Variants in KIAA1671 observed in about 807,000 individuals in gnomAD.
KIAA1671 encodes uncharacterized protein KIAA1671.
Under a neutral mutation model 131.2 loss-of-function variants are expected in KIAA1671, and 52 were observed. The ratio of observed to expected loss-of-function variants is 0.40; its 90% CI spans 0.32 to 0.50. The LOEUF is 0.50. Among genes scored for constraint, KIAA1671 ranks in the 20% least tolerant of loss-of-function variants. The probability of loss-of-function intolerance (pLI) is 0.73; values close to 1 mark genes in which losing one functional copy is unlikely to be tolerated. For synonymous variants in KIAA1671, 1,003 were observed against 961.6 expected (o/e 1.04, Z -0.80); for missense variants, 2,360 against 2,364.2 (o/e 1.00, Z 0.04).
intron 6 of KIAA1671, among the ~76,000 whole-genome samples, chr22:25,068,591 C>A (rs1370359636): frequency 1.2e-4 from 18 of 152,178 alleles, no homozygotes; most frequent in Non-Finnish European, 2.4e-4. Context: ...CGCCCGCCTC[C>A]GCGGCCGGCT....
intron 6 of KIAA1671, chr22:25,112,301 A>G: frequency 2.5e-6 from 1 of 398,882 alleles, no homozygotes; most frequent in Non-Finnish European, 4.4e-6. Context: ...CCACGAACGG[A>G]CGAGTGCAGA....
intron 1 of KIAA1671, among the ~76,000 whole-genome samples, chr22:24,980,358 A>G (rs1602041727): frequency 7.1e-6 from 1 of 140,192 alleles, no homozygotes; most frequent in African/African-American, 2.7e-5. Context: ...TGCAACCTCC[A>G]CCTCCCGGAT....
chr22:25,154,556 C>G (rs1254007262), intron 6 of KIAA1671, among the ~76,000 whole-genome samples: 1 of 152,338 alleles, frequency 6.6e-6, no homozygotes, highest in Middle Eastern at 3.4e-3. Context: ...AGACAGCACT[C>G]TAGGCCTGGG....
At position 25,039,203 on chromosome 22, in the gene KIAA1671, T is replaced by C. The variant is rs1926778635; in HGVS notation, c.2073T>C (p.Asn691=). ...AATTGGGACCAACCACCCTTTTGAATGGTGAACTGAGACCGTATCACACGC... is the reference window on the plus strand; with the variant it reads ...AATTGGGACCAACCACCCTTTTGAACGGTGAACTGAGACCGTATCACACGC... ...TEKLGPTTLL[N]GELRPYHTPL... The change falls in exon 5 of 13, where the codon AAT becomes AAC. Residue 691 remains asparagine (N), a synonymous_variant. Transcript: ENST00000358431. The C allele has an allele frequency of 1.9e-6, 3 of 1,552,072 alleles. No homozygotes were observed. Among genetic ancestry groups the C allele is most frequent in the Non-Finnish European group, 2.6e-6 (3 of 1,147,120 alleles).
intron 6 of KIAA1671, among the ~76,000 whole-genome samples, chr22:25,123,167 C>T (rs1274919020): frequency 7.1e-6 from 1 of 140,790 alleles, no homozygotes; most frequent in African/African-American, 2.9e-5. Flanking sequence ...CAACAGAATA[C>T]ATGGCATCAC....
At chr22:25,184,833 C>T in intron 10 of KIAA1671, 144 bp from the exon 11 acceptor site, 3 of 853,338 alleles carry the variant, frequency 3.5e-6, no homozygotes, top group Non-Finnish European at 5.6e-6. Flanking sequence ...CTTTTCTCAG[C>T]CCCCATGTTT....
chr22:25,169,418 CAAAAAAA>C (rs34299474), intron 6 of KIAA1671, among the ~76,000 whole-genome samples: 10 of 118,094 alleles, frequency 8.5e-5, no homozygotes, highest in Non-Finnish European at 8.6e-5. Context: ...GACCTTGTCT[CAAAAAAA>C]AAAAAAAAAA....
chr22:25,149,752 C>T (rs1231212350), intron 6 of KIAA1671, among the ~76,000 whole-genome samples: 1 of 152,048 alleles, frequency 6.6e-6, no homozygotes, highest in Non-Finnish European at 1.5e-5. Flanking sequence ...GCCCATCCTA[C>T]GTACAGCAGG....
intron 6 of KIAA1671, among the ~76,000 whole-genome samples, chr22:25,074,496 CAAAAAAAA>C (rs759898395): frequency 6.2e-5 from 4 of 64,162 alleles, no homozygotes; most frequent in South Asian, 5.5e-4. Flanking sequence ...GGCTGTGTCT[CAAAAAAAA>C]AAAAAAAAAA....
intron 1 of KIAA1671, among the ~76,000 whole-genome samples, chr22:25,019,744 T>G (rs1925560178): frequency 6.6e-6 from 1 of 152,184 alleles, no homozygotes; most frequent in East Asian, 1.9e-4. Context: ...TCCACTTTCC[T>G]GTGCATACCC....
At position 25,098,087 on chromosome 22, in the gene KIAA1671, G is replaced by C. The variant is rs12158627; in HGVS notation, c.4530+48723G>C. ...CTTGGCCAGGATTTGGTAGGCAGAG[G>C]GTTGTGAAAATTGACACTTACAAAA... On this transcript the variant is annotated intron_variant, in intron 6 of 12. Coordinates refer to ENST00000358431, the MANE Select transcript of KIAA1671 (RefSeq NM_001145206.2). Among the ~76,000 whole-genome samples, 481 of 152,302 alleles carry C rather than the reference G, an allele frequency of 3.2e-3. 2 individuals are homozygous for C. The highest frequency in any genetic ancestry group is 0.011 in the African/African-American group (462 of 41,570).
chr22:25,120,377 C>T (rs1194210922), intron 6 of KIAA1671, among the ~76,000 whole-genome samples: 2 of 152,248 alleles, frequency 1.3e-5, no homozygotes, highest in African/African-American at 4.8e-5. Context: ...TTCAGGTCTC[C>T]TTTCACCCTC....
At chr22:24,999,912 G>A (rs1163177182) in intron 1 of KIAA1671, among the ~76,000 whole-genome samples, 4 of 148,172 alleles carry the variant, frequency 2.7e-5, no homozygotes, top group African/African-American at 1.0e-4. Context: ...TTTTTGAGAC[G>A]GATTCTCTGT....
chr22:25,044,067 G>A (rs1927092459), intron 5 of KIAA1671, among the ~76,000 whole-genome samples: 1 of 152,162 alleles, frequency 6.6e-6, no homozygotes, highest in Non-Finnish European at 1.5e-5. Context: ...AAGTGATGGA[G>A]TCAGGCTTTG....
chr22:25,080,359 C>A (rs1235026718), intron 6 of KIAA1671, among the ~76,000 whole-genome samples: 1 of 152,090 alleles, frequency 6.6e-6, no homozygotes, highest in Non-Finnish European at 1.5e-5. Flanking sequence ...AAACACCAAT[C>A]CCTGTTGTGA....
chr22:24,970,610 A>G (rs1023501140), intron 1 of KIAA1671, among the ~76,000 whole-genome samples: 1 of 151,684 alleles, frequency 6.6e-6, no homozygotes, highest in Non-Finnish European at 1.5e-5. Flanking sequence ...CCTCCTTCTC[A>G]TCATCATCAT....
intron 1 of KIAA1671, among the ~76,000 whole-genome samples, chr22:24,985,260 C>T (rs1292175736): frequency 2.0e-5 from 3 of 152,058 alleles, no homozygotes; most frequent in Non-Finnish European, 4.4e-5. Flanking sequence ...TGCTAATATC[C>T]TCCTAAGAGA....
chr22:25,171,525 A>G (rs1933847414), intron 7 of KIAA1671, among the ~76,000 whole-genome samples: 1 of 152,136 alleles, frequency 6.6e-6, no homozygotes, highest in Admixed American at 6.6e-5. Flanking sequence ...CAGCCTGGCC[A>G]ACATGGCGAA....
intron 6 of KIAA1671, chr22:25,112,227 A>C (rs1931399972): frequency 2.5e-6 from 1 of 398,870 alleles, no homozygotes; most frequent in South Asian, 1.3e-4. Context: ...CACATGACCC[A>C]GTGGATGGGC....
Sources: gnomAD v4.1 joint callset for allele counts (sites outside exome capture counted in the v4.1 genomes callset) on GRCh38, gnomAD v4.1.1 for gene constraint, MANE v1.5 for transcripts, NCBI Gene and HGNC (gene_info 2026-07-23, HGNC 2026-07-21) for gene names.